CACNG2: variants seen among roughly 807,000 people sequenced by gnomAD.
The protein encoded by CACNG2 is calcium voltage-gated channel auxiliary subunit gamma 2.
In CACNG2, 3 loss-of-function variants were observed where a neutral mutation model predicts 25.9. The ratio of observed to expected loss-of-function variants is 0.12; its 90% CI spans 0.05 to 0.30. The LOEUF is 0.30. Among genes scored for constraint, CACNG2 ranks in the 10% least tolerant of loss-of-function variants. The pLI is 1.00. For missense variants in CACNG2, 341 were observed against 432.5 expected (o/e 0.79, Z 1.88); for synonymous variants, 167 against 173.3 (o/e 0.96, Z 0.29).
chr22:36,629,052 C>A (rs927415971), intron 1 of CACNG2, among the ~76,000 whole-genome samples: 2 of 152,084 alleles, frequency 1.3e-5, no homozygotes. Flanking sequence ...TTGAGGGAGG[C>A]TCCAGTTCCA....
intron 1 of CACNG2, among the ~76,000 whole-genome samples, chr22:36,632,610 C>T (rs765040964): frequency 1.3e-4 from 20 of 151,862 alleles, no homozygotes; most frequent in Non-Finnish European, 2.5e-4. Context: ...ATCTGATGGT[C>T]AGTTATCTGT....
intron 1 of CACNG2, among the ~76,000 whole-genome samples, chr22:36,614,788 A>T (rs890727590): frequency 1.3e-5 from 2 of 151,974 alleles, no homozygotes; most frequent in African/African-American, 2.4e-5. Flanking sequence ...AGGTTTGGGG[A>T]TTTTCTGTGG....
chr22:36,613,178 G>GTGTA (rs1935972338), intron 1 of CACNG2, among the ~76,000 whole-genome samples: 1 of 152,052 alleles, frequency 6.6e-6, no homozygotes, highest in Admixed American at 6.6e-5. Flanking sequence ...GTGTGTGTGT[G>GTGTA]TGTGTGTGTG....
At chr22:36,655,526 G>C (rs551663406) in intron 1 of CACNG2, among the ~76,000 whole-genome samples, 2 of 152,310 alleles carry the variant, frequency 1.3e-5, no homozygotes, top group Non-Finnish European at 2.9e-5. Context: ...GGGACCAACT[G>C]TGTTTTATCG....
At chr22:36,663,400 G>A (rs1347790479) in intron 1 of CACNG2, among the ~76,000 whole-genome samples, 1 of 152,142 alleles carries the variant, frequency 6.6e-6, no homozygotes, top group Non-Finnish European at 1.5e-5. Context: ...GATTTCTGAT[G>A]ACTGCTGCAC....
At chr22:36,690,019 T>G (rs1470144736) in intron 1 of CACNG2, among the ~76,000 whole-genome samples, 1 of 152,262 alleles carries the variant, frequency 6.6e-6, no homozygotes, top group Non-Finnish European at 1.5e-5. Flanking sequence ...TGCATTTATT[T>G]ACAGATGCAC....
chr22:36,681,690 G>T (rs990698901), intron 1 of CACNG2, among the ~76,000 whole-genome samples: 4 of 152,110 alleles, frequency 2.6e-5, no homozygotes, highest in Non-Finnish European at 5.9e-5. Flanking sequence ...CCATTGGCTG[G>T]ACTAGGGTTT....
intron 1 of CACNG2, among the ~76,000 whole-genome samples, chr22:36,650,384 TTCTTGAGACGGGG>T (rs1464378780): frequency 1.3e-5 from 2 of 152,078 alleles, no homozygotes; most frequent in African/African-American, 4.8e-5. Flanking sequence ...TTTACTTTTT[TTCTTGAGACGGGG>T]TCTTGCTCTG....
chr22:36,660,553 G>T (rs1012878691), intron 1 of CACNG2, among the ~76,000 whole-genome samples: 1 of 152,264 alleles, frequency 6.6e-6, no homozygotes, highest in African/African-American at 2.4e-5. Context: ...TGAGCACACT[G>T]CGCTGAGCTC....
At chr22:36,600,888 G>A (rs1935745743) in intron 1 of CACNG2, among the ~76,000 whole-genome samples, 1 of 152,000 alleles carries the variant, frequency 6.6e-6, no homozygotes, top group Admixed American at 6.6e-5. Flanking sequence ...ATACTTTAAG[G>A]TATCCAACAT....
intron 1 of CACNG2, among the ~76,000 whole-genome samples, chr22:36,595,814 C>T (rs1935670141): frequency 6.6e-6 from 1 of 152,340 alleles, no homozygotes; most frequent in East Asian, 1.9e-4. Context: ...GGCAGTGCCC[C>T]ACCAACCGCC....
intron 1 of CACNG2, among the ~76,000 whole-genome samples, chr22:36,679,186 C>CTTCA (rs1937058274): frequency 1.1e-5 from 1 of 93,310 alleles, no homozygotes; most frequent in African/African-American, 3.7e-5. Flanking sequence ...TCCTTCCTTC[C>CTTCA]TTCCTTCCTT....
At chr22:36,649,538 C>T (rs563276946) in intron 1 of CACNG2, among the ~76,000 whole-genome samples, 2 of 152,248 alleles carry the variant, frequency 1.3e-5, no homozygotes, top group South Asian at 2.1e-4. Context: ...GTGATTTGCC[C>T]GCCTCAGCCA....
At chr22:36,682,274 A>C (rs1202133904) in intron 1 of CACNG2, among the ~76,000 whole-genome samples, 1 of 151,954 alleles carries the variant, frequency 6.6e-6, no homozygotes, top group Non-Finnish European at 1.5e-5. Flanking sequence ...TAGCTGTGGG[A>C]CTCTGGCAAA....
At position 36,629,026 on chromosome 22, in the gene CACNG2, A is replaced by C. The variant is rs148169871; in HGVS notation, c.212-41478T>G. Reference sequence around the variant, plus strand: ...ACAACTGTCAAAACAGATAGCAACCAATCAGAAATACAATGTTGAGGGAGG... The same window carrying C: ...ACAACTGTCAAAACAGATAGCAACCCATCAGAAATACAATGTTGAGGGAGG... On this transcript the variant is annotated intron_variant, in intron 1 of 3. Transcript: ENST00000300105. Among the ~76,000 whole-genome samples, 95 of 152,300 alleles carry C rather than the reference A, an allele frequency of 6.2e-4. 1 individual carries two copies. The East Asian group carries it at 0.017, about 28-fold the overall frequency.
chr22:36,669,508 C>CAAAAAAAAA (rs1157379465), intron 1 of CACNG2, among the ~76,000 whole-genome samples: 1 of 61,650 alleles, frequency 1.6e-5, no homozygotes, highest in African/African-American at 6.0e-5. Flanking sequence ...ACTCTATCTC[C>CAAAAAAAAA]AAAAAAAAAA....
At position 36,653,938 on chromosome 22, in the gene CACNG2, T is replaced by C. The variant is rs562757251; in HGVS notation, c.211+48428A>G. On this transcript the variant is annotated intron_variant, in intron 1 of 3. Transcript: ENST00000300105. ...GTTAGATTTTTTTTTTTTTTTTTGC[T>C]ACTCCGGTAAGTACAGTGTGTTTGT... is the stretch of plus-strand genomic sequence containing the variant. 2.2e-4 allele frequency among the ~76,000 whole-genome samples: 31 copies of C among 141,970 alleles called. No homozygotes were observed. The South Asian group carries it at 7.1e-3, about 33-fold the overall frequency. 93.1% of individuals were successfully genotyped at this position (141,970 alleles called of 152,430 possible).
At chr22:36,592,222 G>A (rs1048569448) in intron 1 of CACNG2, among the ~76,000 whole-genome samples, 1 of 147,958 alleles carries the variant, frequency 6.8e-6, no homozygotes, top group Non-Finnish European at 1.5e-5. Flanking sequence ...GGGCAAGTGA[G>A]GCAGTGCAAA....
At chr22:36,647,264 C>T (rs1361267098) in intron 1 of CACNG2, among the ~76,000 whole-genome samples, 2 of 152,136 alleles carry the variant, frequency 1.3e-5, no homozygotes, top group Non-Finnish European at 2.9e-5. Context: ...CTTGCTCCTC[C>T]AATTTTTATT....
Sources: gnomAD v4.1 joint callset for allele counts (sites outside exome capture counted in the v4.1 genomes callset) on GRCh38, gnomAD v4.1.1 for gene constraint, MANE v1.5 for transcripts, NCBI Gene and HGNC (gene_info 2026-07-23, HGNC 2026-07-21) for gene names.